Variants in PCLO observed in about 807,000 individuals in gnomAD.
PCLO encodes piccolo presynaptic cytomatrix protein.
PCLO carries 82 observed loss-of-function variants against 427.5 expected under a neutral mutation model. The observed-to-expected ratio is 0.19, with a 90% CI of 0.16 to 0.23. The LOEUF is 0.23. Among genes scored for constraint, PCLO ranks in the 10% least tolerant of loss-of-function variants. PCLO has a pLI of 1.00. For missense variants in PCLO, 6,239 were observed against 6,115.9 expected, an observed-to-expected ratio of 1.02 and a Z score of -0.67; for synonymous variants, 2,357 against 2,155.4, an observed-to-expected ratio of 1.09 and a Z score of -2.59.
chr7:82,942,608 T>C (rs1795111195), intron 6 of PCLO, among the ~76,000 whole-genome samples: 1 of 152,158 alleles, frequency 6.6e-6, no homozygotes, highest in South Asian at 2.1e-4. Flanking sequence ...TTGACATTTG[T>C]ATATCTGTGT....
chr7:83,145,496 TATAAA>T (rs1370200729), intron 2 of PCLO, among the ~76,000 whole-genome samples: 1 of 152,184 alleles, frequency 6.6e-6, no homozygotes, highest in Non-Finnish European at 1.5e-5. Flanking sequence ...TGTGATCTCC[TATAAA>T]AAGGTGCTAA....
chr7:83,058,324 G>C (rs1410065177), intron 3 of PCLO, among the ~76,000 whole-genome samples: 2 of 152,114 alleles, frequency 1.3e-5, no homozygotes, highest in African/African-American at 4.8e-5. Flanking sequence ...TTTTTCTGCA[G>C]TTAAAAGTCA....
At chr7:82,871,188 C>G (rs1793228158) in intron 10 of PCLO, among the ~76,000 whole-genome samples, 2 of 151,200 alleles carry the variant, frequency 1.3e-5, no homozygotes, top group African/African-American at 4.8e-5. Flanking sequence ...TTCAAAATAG[C>G]CAAGAGATGG....
chr7:82,921,491 G>A (rs1374909568), intron 6 of PCLO, among the ~76,000 whole-genome samples: 1 of 152,022 alleles, frequency 6.6e-6, no homozygotes, highest in African/African-American at 2.4e-5. Context: ...ACTGGCAAAG[G>A]AGAAGTGACT....
At chr7:83,062,638 A>G (rs1789569036) in intron 3 of PCLO, among the ~76,000 whole-genome samples, 1 of 152,144 alleles carries the variant, frequency 6.6e-6, no homozygotes, top group South Asian at 2.1e-4. Flanking sequence ...CAGGTACCAG[A>G]TTCAATACCA....
chr7:82,845,971 T>C (rs1362807004), intron 12 of PCLO, among the ~76,000 whole-genome samples: 2 of 151,360 alleles, frequency 1.3e-5, no homozygotes, highest in East Asian at 2.0e-4. Context: ...ACTACTAGAA[T>C]TGTGGCTGTC....
At chr7:82,913,406 T>C (rs1251648532) in intron 7 of PCLO, among the ~76,000 whole-genome samples, 1 of 152,080 alleles carries the variant, frequency 6.6e-6, no homozygotes, top group Non-Finnish European at 1.5e-5. Flanking sequence ...TCAAGAAAGA[T>C]GTTATGTTTG....
At chr7:83,100,882 A>G (rs1798350876) in intron 3 of PCLO, among the ~76,000 whole-genome samples, 2 of 152,170 alleles carry the variant, frequency 1.3e-5, no homozygotes, top group South Asian at 4.1e-4. Context: ...TAAAACAACA[A>G]ATCAATACAC....
chr7:82,858,102 A>G (rs941710420), intron 10 of PCLO, among the ~76,000 whole-genome samples: 6 of 152,190 alleles, frequency 3.9e-5, no homozygotes, highest in Non-Finnish European at 8.8e-5. Context: ...TCAACAGCGC[A>G]TTAAAATGAT....
intron 10 of PCLO, among the ~76,000 whole-genome samples, chr7:82,871,359 G>T (rs192808764): frequency 1.3e-5 from 2 of 151,952 alleles, no homozygotes; most frequent in East Asian, 3.9e-4. Flanking sequence ...GACACAGAAA[G>T]ACAAATATTA....
intron 3 of PCLO, among the ~76,000 whole-genome samples, chr7:82,982,668 T>C (rs1390556846): frequency 6.6e-6 from 1 of 152,072 alleles, no homozygotes; most frequent in African/African-American, 2.4e-5. Context: ...ATTGAATAAT[T>C]ATTAAGGTAG....
intron 8 of PCLO, among the ~76,000 whole-genome samples, chr7:82,907,412 C>T (rs1247498756): frequency 6.6e-6 from 1 of 151,912 alleles, no homozygotes; most frequent in African/African-American, 2.4e-5. Flanking sequence ...ATATAATAAA[C>T]ACATTTAAAG....
intron 3 of PCLO, among the ~76,000 whole-genome samples, chr7:83,016,514 C>A (rs1263049815): frequency 6.6e-6 from 1 of 151,910 alleles, no homozygotes; most frequent in African/African-American, 2.4e-5. Flanking sequence ...TGTCTTTTGA[C>A]CTTGGCTTCA....
chr7:83,000,520 G>A (rs1787795343), intron 3 of PCLO, among the ~76,000 whole-genome samples: 1 of 151,946 alleles, frequency 6.6e-6, no homozygotes, highest in Non-Finnish European at 1.5e-5. Flanking sequence ...TGGATGTGCG[G>A]GATGTGGGGG....
intron 1 of PCLO, among the ~76,000 whole-genome samples, chr7:83,160,245 A>G (rs1792400209): frequency 6.6e-6 from 1 of 152,180 alleles, no homozygotes; most frequent in African/African-American, 2.4e-5. Flanking sequence ...TTGATTGAGA[A>G]GTATTTGTAA....
At position 82,946,620 on chromosome 7, in the gene PCLO, G is replaced by C. The variant is rs181823733; in HGVS notation, c.11112+2856C>G. ...AGGCACAGACTCGTGCCCTGGGTGGGGGCAAGGTTGGCCCATCCAAAGAAC... is the reference window on the plus strand; with the variant it reads ...AGGCACAGACTCGTGCCCTGGGTGGCGGCAAGGTTGGCCCATCCAAAGAAC... On this transcript the variant is annotated intron_variant, in intron 6 of 24. Coordinates refer to ENST00000333891, the MANE Select transcript of PCLO (RefSeq NM_033026.6). 3.3e-5 allele frequency among the ~76,000 whole-genome samples: 5 copies of C among 152,176 alleles called. No homozygotes were observed. In the East Asian group the frequency reaches 5.8e-4, roughly 18 times the overall value.
Position 83,044,769 on chromosome 7 carries a change from T to G in PCLO, c.3301-78282A>C, listed in dbSNP as rs1789064346. On this transcript the variant is annotated intron_variant, in intron 3 of 24. Transcript: ENST00000333891. ...GTAACATATGTACAAAAATAAGAAG[T>G]GGTCAAATGTATATTGATTCGATAT... 2.0e-5 allele frequency among the ~76,000 whole-genome samples: 3 copies of G among 152,130 alleles called. No individual in the cohort carries two copies. In the South Asian group the frequency reaches 6.2e-4, roughly 31 times the overall value.
intron 13 of PCLO, among the ~76,000 whole-genome samples, chr7:82,841,942 A>G (rs1340936432): frequency 1.3e-5 from 2 of 152,098 alleles, no homozygotes; most frequent in African/African-American, 4.8e-5. Flanking sequence ...TCTTTGCTGA[A>G]TGCTCAGCAC....
At chr7:82,793,655 A>T (rs1470554713) in intron 22 of PCLO, among the ~76,000 whole-genome samples, 2 of 151,770 alleles carry the variant, frequency 1.3e-5, no homozygotes, top group Non-Finnish European at 2.9e-5. Flanking sequence ...CTGCTAATGA[A>T]CTCTTCATAT....
Sources: allele counts gnomAD v4.1 joint callset (sites outside exome capture counted in the v4.1 genomes callset), GRCh38; gene constraint gnomAD v4.1.1; transcripts MANE v1.5; gene names NCBI Gene and HGNC (gene_info 2026-07-23, HGNC 2026-07-21).